The following PLAC8 variants were observed in gnomAD, a reference collection of about 807,000 sequenced individuals.
PLAC8 encodes placenta-specific gene 8 protein.
Under a neutral mutation model 12.6 loss-of-function variants are expected in PLAC8, and 6 were observed. The ratio of observed to expected loss-of-function variants is 0.48; its 90% confidence interval spans 0.26 to 0.94. The LOEUF (loss-of-function observed/expected upper bound fraction) is 0.94, where lower values mean the gene tolerates loss of function less well. PLAC8 is among the 40% of genes least tolerant of loss of function. The pLI is 0.14. For synonymous variants in PLAC8, 54 were observed against 52.6 expected, an observed-to-expected ratio of 1.03 and a Z score of -0.11; for missense variants, 122 against 152.7, an observed-to-expected ratio of 0.80 and a Z score of 1.06.
chr4:83,104,877 G>A lies in PLAC8; in HGVS notation c.243+19C>T. 1 of 1,612,588 alleles carries A rather than the reference G, an allele frequency of 6.2e-7. No homozygotes were observed. Among genetic ancestry groups the A allele is most frequent in the Non-Finnish European group, 8.5e-7 (1 of 1,178,858 alleles). On this transcript the variant is annotated intron_variant, in intron 3 of 4. Transcript: ENST00000311507. ...AATGGGGTGCATATTTGAGTGAGAT[G>A]GTATGGTAAGAGACTCACAGGGATG...
chr4:83,095,361 C>T (rs1452687366), intron 3 of PLAC8, among the ~76,000 whole-genome samples: 2 of 152,024 alleles, frequency 1.3e-5, no homozygotes, highest in Non-Finnish European at 2.9e-5. Flanking sequence ...ATTCAGAAAA[C>T]TGGCAAACAA....
In PLAC8 at chr4:83,097,832, C is replaced by T. The variant is rs116840174; in HGVS notation, c.244-3041G>A. On this transcript the variant is annotated intron_variant, in intron 3 of 4. Transcript: ENST00000311507. ...GCATAGGAATATGGCTTTTGTTAAA[C>T]GGAATGTAATTTTGTCTAGTTTTGA... 2.4e-3 allele frequency among the ~76,000 whole-genome samples: 362 copies of T among 148,382 alleles called. 1 individual carries two copies. The highest frequency in any genetic ancestry group is 4.0e-3 in the Non-Finnish European group (271 of 67,418).
intron 4 of PLAC8, among the ~76,000 whole-genome samples, chr4:83,091,348 C>A (rs1446842348): frequency 6.6e-6 from 1 of 152,130 alleles, no homozygotes; most frequent in Non-Finnish European, 1.5e-5. Flanking sequence ...TTTTTGATGA[C>A]CCTGACAGTT....
chr4:83,097,357 C>T lies in PLAC8; in HGVS notation c.244-2566G>A, dbSNP rs139351691. Among the ~76,000 whole-genome samples, 1,357 of 152,154 alleles carry T rather than the reference C, an allele frequency of 8.9e-3. 23 individuals are homozygous for T. Among genetic ancestry groups the T allele is most frequent in the African/African-American group, 0.03 (1,265 of 41,498 alleles). Reference sequence around the variant, plus strand: ...TTTGTCAGAAAAATAGAAACTTTAACGCCTTTTTGTTCACATGGCTTTAGT... The same window carrying T: ...TTTGTCAGAAAAATAGAAACTTTAATGCCTTTTTGTTCACATGGCTTTAGT... On this transcript the variant is annotated intron_variant, in intron 3 of 4. Coordinates refer to ENST00000311507, the MANE Select transcript of PLAC8 (RefSeq NM_016619.3).
In PLAC8 at chr4:83,090,527, C is replaced by CAAAAAAAA. The variant is rs35868133; in HGVS notation, c.*446_*453dup. The CAAAAAAAA allele has an allele frequency of 1.9e-4, 11 of 58,042 alleles. No individual in the cohort carries two copies. The highest frequency in any genetic ancestry group is 3.0e-4 in the Non-Finnish European group (9 of 30,064). 3.6% of individuals were successfully genotyped at this position (58,042 alleles called of 1,614,324 possible). ...TGGGCAACAGAGCGAGACTCTATCT[C>CAAAAAAAA]AAAAAAAAAAAAAAAAAAAGAAAGA... On this transcript the variant is annotated 3_prime_UTR_variant, in exon 5 of 5. Coordinates refer to ENST00000311507, the MANE Select transcript of PLAC8 (RefSeq NM_016619.3).
chr4:83,104,767 G>T, intron 3 of PLAC8, 129 bp downstream of exon 3: 1 of 997,756 alleles, frequency 1.0e-6, no homozygotes, highest in Non-Finnish European at 1.6e-6. Context: ...CTGAATGCAA[G>T]ATTGCACATG....
chr4:83,096,690 G>T (rs556594666), intron 3 of PLAC8, among the ~76,000 whole-genome samples: 7 of 152,134 alleles, frequency 4.6e-5, no homozygotes, highest in Non-Finnish European at 8.8e-5. Context: ...ATAGAGTTTG[G>T]CATTTCAGGA....
At chr4:83,091,688 G>A (rs947410765) in intron 4 of PLAC8, among the ~76,000 whole-genome samples, 1 of 152,026 alleles carries the variant, frequency 6.6e-6, no homozygotes, top group African/African-American at 2.4e-5. Flanking sequence ...TTCAGGGTGG[G>A]GAATCATGCC....
intron 1 of PLAC8, among the ~76,000 whole-genome samples, chr4:83,108,438 C>A (rs955319937): frequency 2.0e-5 from 3 of 152,074 alleles, no homozygotes; most frequent in Non-Finnish European, 2.9e-5. Context: ...ACTAAAAATG[C>A]AAAAAATTAG....
chr4:83,093,988 T>A (rs1299949590), intron 4 of PLAC8: 2 of 152,222 alleles, frequency 1.3e-5, no homozygotes, highest in African/African-American at 4.8e-5. Context: ...GGAAACTGGA[T>A]ATTACAAAGA....
intron 1 of PLAC8, among the ~76,000 whole-genome samples, chr4:83,114,428 GGGAT>G (rs751571540): frequency 2.6e-5 from 4 of 152,282 alleles, no homozygotes; most frequent in East Asian, 3.9e-4. Flanking sequence ...ATTCAAGGCT[GGGAT>G]CTTACACTAC....
chr4:83,097,649 C>A (rs1233755239), intron 3 of PLAC8, among the ~76,000 whole-genome samples: 1 of 152,082 alleles, frequency 6.6e-6, no homozygotes, highest in Non-Finnish European at 1.5e-5. Context: ...CTAGGCTCCA[C>A]CCCTAATACA....
chr4:83,094,263 A>G (rs1474253443), intron 4 of PLAC8: 2 of 154,670 alleles, frequency 1.3e-5, no homozygotes, highest in East Asian at 3.8e-4. Flanking sequence ...TTATGCCACA[A>G]TCAATCCAAA....
intron 4 of PLAC8, chr4:83,093,379 TCA>T (rs1465876142): frequency 6.6e-6 from 1 of 152,280 alleles, no homozygotes; most frequent in Non-Finnish European, 1.5e-5. Flanking sequence ...GCAGGCCTCT[TCA>T]CACAGCTCTC....
rs1434457660 is a variant in PLAC8, at chr4:83,100,015, AAC to A, written c.243+4879_243+4880del. The stretch of plus-strand genomic sequence containing the variant: ...GCGAGACTCTGTCTCAAAAAAAAAA[AAC>A]AAAAAACTGCCGGGCGCGCGAGGCG... On this transcript the variant is annotated intron_variant, in intron 3 of 4. Transcript: ENST00000311507. Among the ~76,000 whole-genome samples, 3 of 150,972 alleles carry A rather than the reference AAC, an allele frequency of 2.0e-5. 1 individual carries two copies. The highest frequency in any genetic ancestry group is 6.6e-5 in the Admixed American group (1 of 15,170).
intron 1 of PLAC8, among the ~76,000 whole-genome samples, chr4:83,112,506 G>A (rs1316968782): frequency 6.6e-6 from 1 of 152,086 alleles, no homozygotes; most frequent in African/African-American, 2.4e-5. Context: ...TTCCTTTCTA[G>A]CACAGATTAC....
intron 2 of PLAC8, among the ~76,000 whole-genome samples, chr4:83,106,071 C>A (rs748674990): frequency 1.6e-4 from 24 of 151,940 alleles, no homozygotes; most frequent in Non-Finnish European, 2.9e-4. Flanking sequence ...GCGATCTTAG[C>A]TCACTGCAAC....
chr4:83,105,405 T>A (rs1732211024), intron 2 of PLAC8, among the ~76,000 whole-genome samples: 1 of 152,160 alleles, frequency 6.6e-6, no homozygotes. Context: ...TACCAACAGG[T>A]CACCCAGAAA....
At chr4:83,107,779 G>T in intron 2 of PLAC8, 25 bp downstream of exon 2, 1 of 1,418,538 alleles carries the variant, frequency 7.0e-7, no homozygotes, top group Non-Finnish European at 9.9e-7. Flanking sequence ...TATCAAATAA[G>T]GGGGTTCTTT....
Sources: allele counts gnomAD v4.1 joint callset (sites outside exome capture counted in the v4.1 genomes callset), GRCh38; gene constraint gnomAD v4.1.1; transcripts MANE v1.5; gene names NCBI Gene and HGNC (gene_info 2026-07-23, HGNC 2026-07-21).